The following FBXO31 variants were observed in gnomAD, a reference collection of about 807,000 sequenced individuals.
The protein encoded by FBXO31 is F-box protein 31, also known as F-box only protein 31.
In FBXO31, 24 loss-of-function variants were observed where a neutral mutation model predicts 54.4. The observed-to-expected ratio is 0.44, with a 90% CI of 0.32 to 0.62. The LOEUF (loss-of-function observed/expected upper bound fraction) is 0.62, where lower values mean the gene tolerates loss of function less well. Ranked by LOEUF, FBXO31 falls within the 20% of genes least tolerant of loss-of-function variation. FBXO31 has a pLI of 0.05. For missense variants in FBXO31, 665 were observed against 787.1 expected (o/e 0.84, Z 1.86); for synonymous variants, 388 against 335.6 (o/e 1.16, Z -1.71).
At chr16:87,386,189 G>A (rs1275756805), upstream of FBXO31, 1 of 152,230 alleles carries the variant, frequency 6.6e-6, no homozygotes, top group African/African-American at 2.4e-5. Context: ...TCAGTCCAGG[G>A]TGTGGTCTGA....
At chr16:87,373,430 C>T (rs866231496) in intron 1 of FBXO31, among the ~76,000 whole-genome samples, 9 of 151,996 alleles carry the variant, frequency 5.9e-5, no homozygotes, top group African/African-American at 1.9e-4. Context: ...CCAGCCTGGG[C>T]GACAGAGCGA....
chr16:87,375,922 C>T (rs544600330), intron 1 of FBXO31, among the ~76,000 whole-genome samples: 1 of 152,222 alleles, frequency 6.6e-6, no homozygotes, highest in African/African-American at 2.4e-5. Flanking sequence ...CACCCTCAGC[C>T]TGAGTCACTC....
intron 1 of FBXO31, among the ~76,000 whole-genome samples, chr16:87,371,325 C>G (rs1172066232): frequency 6.6e-6 from 1 of 152,212 alleles, no homozygotes; most frequent in African/African-American, 2.4e-5. Context: ...CTGGCACCCA[C>G]GACAGGCACC....
rs1479467224 is a variant in FBXO31, at chr16:87,328,025, T to C, written c.*3263A>G. The C allele has an allele frequency of 6.6e-6, 1 of 152,310 alleles. No homozygotes were observed. The highest frequency in any genetic ancestry group is 1.9e-4 in the East Asian group (1 of 5,188). 9.4% of individuals were successfully genotyped at this position (152,310 alleles called of 1,614,324 possible). A position where few individuals can be genotyped will look rare whatever the true frequency, so the allele number is the denominator to read the frequency against. ...ATGAGGACAACACGAGCTCAGAAGA[T>C]GCATGTGGGCAGGCGTTCTGAAGTA... is the stretch of plus-strand genomic sequence containing the variant. On this transcript the variant is annotated 3_prime_UTR_variant, in exon 9 of 9. Transcript: ENST00000311635.
In FBXO31 at chr16:87,335,306, T is replaced by A. The variant is rs1239652966; in HGVS notation, c.994A>T (p.Thr332Ser). The change falls in exon 7 of 9, where the codon ACG becomes TCG. Residue 332 changes from threonine (T) to serine (S), a missense_variant and splice_region_variant. Physicochemically the swap from Thr to Ser is moderately conservative, Grantham distance 58 (BLOSUM62 1). Transcript: ENST00000311635. The surrounding 1 kb of genome is among the most constrained non-coding windows in gnomAD (Gnocchi z 5.7). ...HGRRARGTKI[T>S]GDPNIPAGQQ... is the part of the protein sequence containing the mutation. ...CAACCAGGTCAGCCGCCACTCACCG[T>A]GATCTTGGTGCCCCTGGCACGCCGG... The A allele has an allele frequency of 1.4e-5, 23 of 1,613,436 alleles. No homozygotes were observed. Among genetic ancestry groups the A allele is most frequent in the Non-Finnish European group, 1.9e-5 (22 of 1,179,980 alleles).
At chr16:87,359,792 T>C (rs1906054072) in intron 2 of FBXO31, among the ~76,000 whole-genome samples, 1 of 152,070 alleles carries the variant, frequency 6.6e-6, no homozygotes, top group Non-Finnish European at 1.5e-5. Context: ...AGTGTCACAG[T>C]TGACTCTGGA....
rs865787555 is a variant in FBXO31 at position 87,383,066 on chromosome 16, C to T, written c.340+339G>A. ...GGCCCCGCGCAGACCTCGAGGGATCCCAGCCCCAGCTCCCGGCACGGCCTC... is the reference window on the plus strand; with the variant it reads ...GGCCCCGCGCAGACCTCGAGGGATCTCAGCCCCAGCTCCCGGCACGGCCTC... On this transcript the variant is annotated intron_variant, in intron 1 of 8. Coordinates refer to ENST00000311635, the MANE Select transcript of FBXO31 (RefSeq NM_024735.5). The surrounding 1 kb of genome is among the most constrained non-coding windows in gnomAD (Gnocchi z 4.9). Among the ~76,000 whole-genome samples the T allele has an allele frequency of 9.9e-5, 15 of 152,146 alleles. No homozygotes were observed. The highest frequency in any genetic ancestry group is 4.4e-5 in the Non-Finnish European group (3 of 68,020).
At chr16:87,385,358 T>G (rs1428752407), upstream of FBXO31, among the ~76,000 whole-genome samples, 2 of 151,378 alleles carry the variant, frequency 1.3e-5, no homozygotes, top group African/African-American at 4.9e-5. Flanking sequence ...CTCGGGAGGC[T>G]GAGGCAGGAG....
chr16:87,388,418 A>C (rs1309373307), upstream of FBXO31, among the ~76,000 whole-genome samples: 3 of 152,232 alleles, frequency 2.0e-5, no homozygotes, highest in African/African-American at 7.2e-5. Context: ...TGCTCTCAAG[A>C]GCAAAGCGAT....
intron 1 of FBXO31, among the ~76,000 whole-genome samples, chr16:87,389,389 AACTGTCGATGCTACTT>A (rs1159213865): frequency 6.6e-6 from 1 of 152,204 alleles, no homozygotes; most frequent in Admixed American, 6.5e-5. Flanking sequence ...ATTACTACAC[AACTGTCGATGCTACTT>A]CCTCTGGCAA....
At chr16:87,373,512 C>T (rs1456504433) in intron 1 of FBXO31, among the ~76,000 whole-genome samples, 1 of 150,024 alleles carries the variant, frequency 6.7e-6, no homozygotes. Flanking sequence ...TATATATATA[C>T]ACATACATAC....
chr16:87,327,073 AC>A lies in FBXO31; in HGVS notation c.*4214del, dbSNP rs1205525666. The A allele has an allele frequency of 3.3e-5, 5 of 152,346 alleles. No individual in the cohort carries two copies. The highest frequency in any genetic ancestry group is 7.3e-5 in the Non-Finnish European group (5 of 68,134). The allele number at this position is 152,346 out of a possible 1,614,324, so 9.4% of individuals were successfully genotyped here. ...CGGCTGCCAGGATTGCTCCGGTCCT[AC>A]CTAGTGGGTGCCTACCCAGGCAGGG... is the stretch of plus-strand genomic sequence containing the variant. On this transcript the variant is annotated 3_prime_UTR_variant, in exon 9 of 9. Coordinates refer to ENST00000311635, the MANE Select transcript of FBXO31 (RefSeq NM_024735.5).
At chr16:87,361,340 T>C (rs1240396417) in intron 1 of FBXO31, among the ~76,000 whole-genome samples, 4 of 152,202 alleles carry the variant, frequency 2.6e-5, no homozygotes, top group African/African-American at 7.2e-5. Context: ...GGACCAAGAA[T>C]TGAAGCCTAG....
In FBXO31 at chr16:87,374,326, C is replaced by T. The variant is rs1054072224; in HGVS notation, c.340+9079G>A. Reference sequence around the variant, plus strand: ...ACTACCCCTAACCTACGGAACATCACAGCTTAGCCTAGCCCACCTTAAATG... The same window carrying T: ...ACTACCCCTAACCTACGGAACATCATAGCTTAGCCTAGCCCACCTTAAATG... On this transcript the variant is annotated intron_variant, in intron 1 of 8. Transcript: ENST00000311635. Among the ~76,000 whole-genome samples, 32 of 152,084 alleles carry T rather than the reference C, an allele frequency of 2.1e-4. 1 individual carries two copies. The highest frequency in any genetic ancestry group is 7.5e-4 in the African/African-American group (31 of 41,412).
chr16:87,391,180 G>T (rs1046954423), upstream of FBXO31, among the ~76,000 whole-genome samples: 2 of 152,072 alleles, frequency 1.3e-5, no homozygotes, highest in Non-Finnish European at 2.9e-5. Context: ...GCGAGATCCC[G>T]GCTCTACTCC....
chr16:87,347,565 A>G (rs1289960507), intron 2 of FBXO31, among the ~76,000 whole-genome samples: 1 of 151,788 alleles, frequency 6.6e-6, no homozygotes, highest in Non-Finnish European at 1.5e-5. Flanking sequence ...CTGTAGTCCC[A>G]GCTACTTGGG....
In FBXO31 at chr16:87,334,179, G is replaced by T. The variant is rs915746026; in HGVS notation, c.1104C>A (p.Arg368=). ...CCCTCTCGCGCACCTCCAGGACGAT[G>T]CGGGAGAGCTCATTGAAGTTGCGCT... ...ENQRNFNELS[R]IVLEVRERVR... is the part of the protein sequence containing the mutation. The change falls in exon 8 of 9, where the codon CGC becomes CGA. Residue 368 remains arginine, a synonymous_variant. Coordinates refer to ENST00000311635, the MANE Select transcript of FBXO31 (RefSeq NM_024735.5). 1.2e-6 allele frequency: 2 copies of T among 1,612,906 alleles called. No homozygotes were observed. The highest frequency in any genetic ancestry group is 1.7e-6 in the Non-Finnish European group (2 of 1,179,774).
intron 2 of FBXO31, among the ~76,000 whole-genome samples, chr16:87,355,245 T>A (rs1326741751): frequency 6.6e-6 from 1 of 152,176 alleles, no homozygotes; most frequent in Non-Finnish European, 1.5e-5. Flanking sequence ...CCAAAGGACT[T>A]CAACACGACC....
chr16:87,386,266 G>A (rs760033507), upstream of FBXO31: 3 of 152,176 alleles, frequency 2.0e-5, no homozygotes, highest in Non-Finnish European at 2.9e-5. Flanking sequence ...ATAGGTTGGA[G>A]TTAGAATGTG....
Sources: gnomAD v4.1 joint callset for allele counts (sites outside exome capture counted in the v4.1 genomes callset) on GRCh38, gnomAD v4.1.1 for gene constraint, Gnocchi (gnomAD v3.1) non-coding constraint, MANE v1.5 for transcripts, NCBI Gene and HGNC (gene_info 2026-07-23, HGNC 2026-07-21) for gene names.